Variants in PRPH observed in about 807,000 individuals in gnomAD.
The protein encoded by PRPH is peripherin.
PRPH carries 48 observed loss-of-function variants against 52.6 expected under a neutral mutation model. The observed-to-expected ratio is 0.91, with a 90% confidence interval of 0.72 to 1.16. The LOEUF (loss-of-function observed/expected upper bound fraction) is 1.16. Ranked by LOEUF, PRPH falls within the 50% of genes most tolerant of loss-of-function variation. The pLI, the probability that PRPH is intolerant of heterozygous loss-of-function variation, is 0.00. For synonymous variants in PRPH, 279 were observed against 283.8 expected, an observed-to-expected ratio of 0.98 and a Z score of 0.17; for missense variants, 579 against 635.7, an observed-to-expected ratio of 0.91 and a Z score of 0.96.
Position 49,295,161 on chromosome 12 carries a change from G to T in PRPH, c.-40G>T. The T allele has an allele frequency of 6.3e-7, 1 of 1,597,454 alleles. No homozygotes were observed. Among genetic ancestry groups the T allele is most frequent in the Non-Finnish European group, 8.5e-7 (1 of 1,174,088 alleles). ...GTCTGCGGCTCCTTCCCAGCCCCCG[G>T]CCTAGCTCTGCGAACGGTGACTGCC... is the stretch of plus-strand genomic sequence containing the variant. On this transcript the variant is annotated 5_prime_UTR_variant, in exon 1 of 9. Coordinates refer to ENST00000257860, the MANE Select transcript of PRPH (RefSeq NM_006262.4).
rs750870193 is a variant in PRPH, at chr12:49,295,524, C to A, written c.324C>A (p.Phe108Leu). 4.4e-6 allele frequency: 7 copies of A among 1,600,882 alleles called. No homozygotes were observed. In the Admixed American group the frequency reaches 1.0e-4, roughly 24 times the overall value. Reference protein sequence around the residue: ...KQELQELNDRFANFIEKVRFL... With the variant: ...KQELQELNDRLANFIEKVRFL... ...AGCTGCAGGAGCTCAACGACCGCTT[C>A]GCCAACTTCATCGAGAAGGTACGCT... The change falls in exon 1 of 9, where the codon TTC becomes TTA. Residue 108 changes from phenylalanine to leucine, a missense_variant. Transcript: ENST00000257860.
chr12:49,296,198 A>G lies in PRPH; in HGVS notation c.566A>G (p.Lys189Arg). Residue 189 changes from lysine (K) to arginine (R), a missense_variant, in exon 2 of 9, where the codon AAG becomes AGG. Lys to Arg is a conservative substitution (Grantham distance 26). Transcript: ENST00000257860. This position sits in a 1 kb window ranked among gnomAD's most constrained non-coding sequence, Gnocchi z 5.1. The part of the protein sequence containing the change: ...LKQRLEEETR[K>R]REDAEHNLVL... Reference sequence around the variant, plus strand: ...GTCAGGTTGGAGGAGGAGACGCGCAAGCGGGAGGACGCGGAGCACAACCTC... The same window carrying G: ...GTCAGGTTGGAGGAGGAGACGCGCAGGCGGGAGGACGCGGAGCACAACCTC... 1 of 1,612,836 alleles carries G rather than the reference A, an allele frequency of 6.2e-7. No homozygotes were observed.
chr12:49,297,921 G>A lies in PRPH; in HGVS notation c.1268-37G>A, dbSNP rs376829851. ...GGAGCCTAAGAGGAGAGATTCCCAC[G>A]CCTTCCCCCTTGAACCCTTTATCCT... On this transcript the variant is annotated intron_variant, in intron 7 of 8. Coordinates refer to ENST00000257860, the MANE Select transcript of PRPH (RefSeq NM_006262.4). The surrounding 1 kb of genome is among the most constrained non-coding windows in gnomAD (Gnocchi z 4.4). 4.7e-5 allele frequency: 75 copies of A among 1,610,164 alleles called. No individual in the cohort carries two copies. The highest frequency in any genetic ancestry group is 5.4e-5 in the Non-Finnish European group (64 of 1,176,662).
At chr12:49,298,209 G>A in intron 8 of PRPH, 79 bp from the exon 9 acceptor site, 1 of 1,569,412 alleles carries the variant, frequency 6.4e-7, no homozygotes, top group Non-Finnish European at 8.7e-7. Context: ...CCCAGGGAGT[G>A]GGGCTCTATG....
rs1943160470 is a variant in PRPH, at chr12:49,295,358, C to T, written c.158C>T (p.Ser53Phe). The T allele has an allele frequency of 6.2e-7, 1 of 1,609,948 alleles. No homozygotes were observed. The highest frequency in any genetic ancestry group is 1.3e-5 in the African/African-American group (1 of 75,032). ...CTGCTGGGCTCCGCGTCCCCGAGCT[C>T]CTCGGTGCGCCTGGGCAGCTTCCGT... ...SRLLGSASPS[S>F]SVRLGSFRSP... The change falls in exon 1 of 9, where the codon TCC becomes TTC. Residue 53 changes from serine (S) to phenylalanine (F), a missense_variant. Ser to Phe is a radical substitution (Grantham distance 155). Coordinates refer to ENST00000257860, the MANE Select transcript of PRPH (RefSeq NM_006262.4).
rs536716564 is a variant in PRPH, at chr12:49,297,779, G to C, written c.1267+53G>C. On this transcript the variant is annotated intron_variant, in intron 7 of 8. Transcript: ENST00000257860. This position sits in a 1 kb window ranked among gnomAD's most constrained non-coding sequence, Gnocchi z 4.4. Reference sequence around the variant, plus strand: ...TCCTTGTCCACTTCTGCCCTCCTCGGGCTCTTGCTCTGGCTCACCTCAGGG... The same window carrying C: ...TCCTTGTCCACTTCTGCCCTCCTCGCGCTCTTGCTCTGGCTCACCTCAGGG... 1.9e-5 allele frequency: 31 copies of C among 1,612,114 alleles called. 1 individual carries two copies. In the African/African-American group the frequency reaches 2.4e-4, roughly 12 times the overall value.
chr12:49,296,854 G>A lies in PRPH; in HGVS notation c.703-35G>A. ...ACTGCGTGGCCCGCGTGGAATTTGC[G>A]CCGCTGTCCATCCTCTGCCTGCTCC... On this transcript the variant is annotated intron_variant, in intron 3 of 8. Coordinates refer to ENST00000257860, the MANE Select transcript of PRPH (RefSeq NM_006262.4). This position sits in a 1 kb window ranked among gnomAD's most constrained non-coding sequence, Gnocchi z 5.1. The A allele has an allele frequency of 3.8e-6, 6 of 1,588,018 alleles. No individual in the cohort carries two copies. The highest frequency in any genetic ancestry group is 5.1e-6 in the Non-Finnish European group (6 of 1,167,484).
rs376800487 is a variant in PRPH, at chr12:49,296,281, C to T, written c.606+43C>T. 9 of 1,605,806 alleles carry T rather than the reference C, an allele frequency of 5.6e-6. No individual in the cohort carries two copies. Among genetic ancestry groups the T allele is most frequent in the Non-Finnish European group, 7.7e-6 (9 of 1,175,036 alleles). ...TCCGAGTTCAGCCTCCCCACCGCTA[C>T]CCCCGATCTCAGTATCCAGAGGTGG... On this transcript the variant is annotated intron_variant, in intron 2 of 8. Transcript: ENST00000257860. This position sits in a 1 kb window ranked among gnomAD's most constrained non-coding sequence, Gnocchi z 5.1.
chr12:49,295,890 C>T, intron 1 of PRPH, 145 bp downstream of exon 1: 1 of 1,440,154 alleles, frequency 6.9e-7, no homozygotes, highest in Non-Finnish European at 9.1e-7. Flanking sequence ...GTGCGGGCAG[C>T]ATCCCTGCCC....
In PRPH at chr12:49,296,210, C is replaced by T. The variant is rs373867021; in HGVS notation, c.578C>T (p.Ala193Val). The T allele has an allele frequency of 7.4e-6, 12 of 1,613,052 alleles. No homozygotes were observed. Among genetic ancestry groups the T allele is most frequent in the Non-Finnish European group, 1.0e-5 (12 of 1,179,896 alleles). ...GAGGAGACGCGCAAGCGGGAGGACGCGGAGCACAACCTCGTGCTCTTCCGC... is the reference window on the plus strand; with the variant it reads ...GAGGAGACGCGCAAGCGGGAGGACGTGGAGCACAACCTCGTGCTCTTCCGC... ...LEEETRKRED[A>V]EHNLVLFRKD... The change falls in exon 2 of 9, where the codon GCG becomes GTG. Residue 193 changes from alanine to valine, a missense_variant. Coordinates refer to ENST00000257860, the MANE Select transcript of PRPH (RefSeq NM_006262.4). This position sits in a 1 kb window ranked among gnomAD's most constrained non-coding sequence, Gnocchi z 5.1.
Position 49,297,680 on chromosome 12 carries a change from C to T in PRPH, c.1221C>T (p.Ile407=), listed in dbSNP as rs1457350154. 1.9e-6 allele frequency: 3 copies of T among 1,613,574 alleles called. No homozygotes were observed. Among genetic ancestry groups the T allele is most frequent in the Admixed American group, 1.7e-5 (1 of 60,008 alleles). ...RKLLEGEESR[I]SVPVHSFASL... ...TGACAACTTGCTTCGCCTCTAGGAT[C>T]TCCGTGCCCGTCCATTCTTTTGCCT... The change falls in exon 7 of 9, where the codon ATC becomes ATT. Residue 407 remains isoleucine (I), a synonymous_variant. Transcript: ENST00000257860. The surrounding 1 kb of genome is among the most constrained non-coding windows in gnomAD (Gnocchi z 4.4).
Position 49,297,956 on chromosome 12 carries a change from A to G in PRPH, c.1268-2A>G, listed in dbSNP as rs749824648. The stretch of plus-strand genomic sequence containing the variant: ...TTGAACCCTTTATCCTGCTTTCTTC[A>G]GTGCCTGAGGTGGAGCCTCCCCAGG... On this transcript the variant is annotated splice_acceptor_variant, in intron 7 of 8. Coordinates refer to ENST00000257860, the MANE Select transcript of PRPH (RefSeq NM_006262.4). LOFTEE classifies it high-confidence loss of function. The surrounding 1 kb of genome is among the most constrained non-coding windows in gnomAD (Gnocchi z 4.4). The G allele has an allele frequency of 9.9e-6, 16 of 1,614,002 alleles. No individual in the cohort carries two copies. The highest frequency in any genetic ancestry group is 1.4e-5 in the Non-Finnish European group (16 of 1,179,978).
chr12:49,296,732 C>G lies in PRPH; in HGVS notation c.703-157C>G, dbSNP rs973746665. 1.6e-6 allele frequency: 2 copies of G among 1,286,388 alleles called. No homozygotes were observed. Among genetic ancestry groups the G allele is most frequent in the Non-Finnish European group, 2.1e-6 (2 of 937,756 alleles). 79.7% of individuals were successfully genotyped at this position (1,286,388 alleles called of 1,614,324 possible). A position where few individuals can be genotyped will look rare whatever the true frequency, so the allele number is the denominator to read the frequency against. On this transcript the variant is annotated intron_variant, in intron 3 of 8. Coordinates refer to ENST00000257860, the MANE Select transcript of PRPH (RefSeq NM_006262.4). The surrounding 1 kb of genome is among the most constrained non-coding windows in gnomAD (Gnocchi z 5.1). ...GGGCTGTACCTCCGAAACCTGGCCT[C>G]TGGTCTCGCGCCCGCGGGGGCGCAG...
chr12:49,297,864 C>G lies in PRPH; in HGVS notation c.1268-94C>G. The G allele has an allele frequency of 6.3e-7, 1 of 1,583,504 alleles. No homozygotes were observed. The highest frequency in any genetic ancestry group is 8.7e-7 in the Non-Finnish European group (1 of 1,152,746). ...CTGTACCCACCCCTACTCCTCAAAC[C>G]CGCCCCTCCCCTGCCCTCAGGGATA... On this transcript the variant is annotated intron_variant, in intron 7 of 8. Transcript: ENST00000257860. This position sits in a 1 kb window ranked among gnomAD's most constrained non-coding sequence, Gnocchi z 4.4.
chr12:49,295,677 C>A lies in PRPH; in HGVS notation c.477C>A (p.Gly159=). The A allele has an allele frequency of 6.5e-7, 1 of 1,534,582 alleles. No individual in the cohort carries two copies. ...RELRRELELL[G]RERDRVQVER... ...TGCGGCGAGAGCTGGAGCTGTTGGG[C>A]CGCGAGCGTGACCGGGTGCAGGTGG... The change falls in exon 1 of 9, where the codon GGC becomes GGA. Residue 159 remains glycine (G), a synonymous_variant. Coordinates refer to ENST00000257860, the MANE Select transcript of PRPH (RefSeq NM_006262.4).
Position 49,297,396 on chromosome 12 carries a change from C to T in PRPH, c.1036C>T (p.Gln346Ter). 1 of 1,613,518 alleles carries T rather than the reference C, an allele frequency of 6.2e-7. No individual in the cohort carries two copies. Among genetic ancestry groups the T allele is most frequent in the Non-Finnish European group, 8.5e-7 (1 of 1,179,920 alleles). The change falls in exon 6 of 9, where the codon CAG becomes TAG. Residue 346 changes from glutamine (Q) to a stop codon, truncating the protein, a stop_gained. Coordinates refer to ENST00000257860, the MANE Select transcript of PRPH (RefSeq NM_006262.4). LOFTEE classifies it high-confidence loss of function. The surrounding 1 kb of genome is among the most constrained non-coding windows in gnomAD (Gnocchi z 4.4). The stretch of plus-strand genomic sequence containing the variant: ...CAGGCAGTTGAGAGAGCTGGAGGAG[C>T]AGTTCGCCCTGGAGGCGGGGGGCTA... ...LLRQLRELEEQFALEAGGYQA... is the reference protein window; with the variant it reads ...LLRQLRELEE
chr12:49,297,222 C>T lies in PRPH; in HGVS notation c.945C>T (p.Ser315=). The T allele has an allele frequency of 1.2e-6, 2 of 1,614,020 alleles. No homozygotes were observed. The highest frequency in any genetic ancestry group is 1.7e-6 in the Non-Finnish European group (2 of 1,179,996). Residue 315 remains serine (S), a synonymous_variant, in exon 5 of 9, where the codon TCC becomes TCT. Coordinates refer to ENST00000257860, the MANE Select transcript of PRPH (RefSeq NM_006262.4). This position sits in a 1 kb window ranked among gnomAD's most constrained non-coding sequence, Gnocchi z 4.4. ...LRQAKQEMNE[S]RRQIQSLTCE... ...AGGCCAAGCAGGAGATGAACGAGTC[C>T]CGACGCCAGATCCAGAGTCTAACGT...
In PRPH at chr12:49,296,494, T is replaced by C; in HGVS notation, c.669T>C (p.Asp223=). The change falls in exon 3 of 9, where the codon GAT becomes GAC. Residue 223 remains aspartate, a synonymous_variant. Transcript: ENST00000257860. The surrounding 1 kb of genome is among the most constrained non-coding windows in gnomAD (Gnocchi z 5.1). ...AGCGCAAGATTGAGTCTCTGATGGA[T>C]GAGATTGAGTTCCTCAAGAAGCTGC... is the stretch of plus-strand genomic sequence containing the variant. ...ELERKIESLM[D]EIEFLKKLHE... 6.2e-7 allele frequency: 1 copy of C among 1,613,364 alleles called. No homozygotes were observed.
At position 49,297,862 on chromosome 12, in the gene PRPH, ACCCGCCCCTCCCCTG is replaced by A. The variant is rs1395277037; in HGVS notation, c.1268-92_1268-78del. On this transcript the variant is annotated intron_variant, in intron 7 of 8. Coordinates refer to ENST00000257860, the MANE Select transcript of PRPH (RefSeq NM_006262.4). The surrounding 1 kb of genome is among the most constrained non-coding windows in gnomAD (Gnocchi z 4.4). ...GCCTGTACCCACCCCTACTCCTCAA[ACCCGCCCCTCCCCTG>A]CCCTCAGGGATAGCAGTGGGAGCCT... The A allele has an allele frequency of 3.2e-6, 5 of 1,577,790 alleles. No individual in the cohort carries two copies. The Admixed American group carries it at 8.4e-5, about 27-fold the overall frequency.
Sources: allele counts gnomAD v4.1 joint callset, GRCh38; gene constraint gnomAD v4.1.1; non-coding constraint Gnocchi (gnomAD v3.1); transcripts MANE v1.5; gene names NCBI Gene and HGNC (gene_info 2026-07-23, HGNC 2026-07-21).